The following HMCN1 variants were observed in gnomAD, a reference collection of about 807,000 sequenced individuals.
HMCN1 encodes the protein hemicentin-1.
A neutral mutation model predicts 625.9 loss-of-function variants in HMCN1; 321 were observed. The observed-to-expected ratio is 0.51, with a 90% CI of 0.47 to 0.56. The LOEUF (loss-of-function observed/expected upper bound fraction) is 0.56. Among genes scored for constraint, HMCN1 ranks in the 20% least tolerant of loss-of-function variants. HMCN1 has a pLI of 0.00. For synonymous variants in HMCN1, 2,425 were observed against 2,417.6 expected, an observed-to-expected ratio of 1.00 and a Z score of -0.09; for missense variants, 6,588 against 6,887.3, an observed-to-expected ratio of 0.96 and a Z score of 1.54.
intron 55 of HMCN1, among the ~76,000 whole-genome samples, chr1:186,080,259 G>C (rs61831266): frequency 6.6e-6 from 1 of 152,040 alleles, no homozygotes; most frequent in Non-Finnish European, 1.5e-5. Flanking sequence ...CAGTTTAGTT[G>C]TTGGAAACCC....
intron 58 of HMCN1, among the ~76,000 whole-genome samples, chr1:186,086,739 G>GT (rs1189982608): frequency 6.6e-6 from 1 of 151,840 alleles, no homozygotes; most frequent in Non-Finnish European, 1.5e-5. Context: ...CTAAAGTTCC[G>GT]TAAGGATAGA....
intron 1 of HMCN1, among the ~76,000 whole-genome samples, chr1:185,829,580 A>G (rs1660731526): frequency 6.6e-6 from 1 of 152,164 alleles, no homozygotes; most frequent in South Asian, 2.1e-4. Flanking sequence ...CCTGCAAAGG[A>G]CATGATCTCA....
At chr1:186,137,452 G>T in intron 87 of HMCN1, 46 bp from the exon 88 acceptor site, 1 of 1,593,406 alleles carries the variant, frequency 6.3e-7, no homozygotes, top group Non-Finnish European at 8.6e-7. Flanking sequence ...CCTTTACAAT[G>T]TTTTATTTGC....
intron 1 of HMCN1, among the ~76,000 whole-genome samples, chr1:185,762,069 A>C (rs1244669965): frequency 6.6e-6 from 1 of 152,168 alleles, no homozygotes; most frequent in Non-Finnish European, 1.5e-5. Context: ...CGTGTAGGAT[A>C]CTTTGTGCAA....
chr1:186,109,229 A>G (rs1660764882), intron 71 of HMCN1, among the ~76,000 whole-genome samples: 1 of 152,078 alleles, frequency 6.6e-6, no homozygotes, highest in Admixed American at 6.5e-5. Flanking sequence ...TCATCCTCTT[A>G]TTGTAACCTA....
chr1:185,888,806 C>T (rs1168663080), intron 4 of HMCN1, among the ~76,000 whole-genome samples: 1 of 144,364 alleles, frequency 6.9e-6, no homozygotes, highest in Non-Finnish European at 1.5e-5. Context: ...TTTTTTGGTT[C>T]CATATGAACT....
chr1:185,781,004 T>G (rs568561155), intron 1 of HMCN1, among the ~76,000 whole-genome samples: 46 of 152,330 alleles, frequency 3.0e-4, no homozygotes, highest in Non-Finnish European at 5.7e-4. Flanking sequence ...GATAGGCTAT[T>G]AATTATTGCC....
chr1:185,890,029 T>A (rs1326884129), intron 4 of HMCN1, among the ~76,000 whole-genome samples: 1 of 151,512 alleles, frequency 6.6e-6, no homozygotes. Flanking sequence ...TCTTCCTGGT[T>A]TAGTCTTGGG....
At chr1:186,081,121 CAA>C in intron 55 of HMCN1, 84 bp from the exon 56 acceptor site, 1 of 1,160,912 alleles carries the variant, frequency 8.6e-7, no homozygotes, top group Non-Finnish European at 1.3e-6. Flanking sequence ...ATTATTATCC[CAA>C]AGTTTTTAAA....
chr1:186,178,840 A>G, intron 104 of HMCN1, 74 bp downstream of exon 104: 1 of 1,021,910 alleles, frequency 9.8e-7, no homozygotes, highest in Non-Finnish European at 1.6e-6. Context: ...AGCACCTGTG[A>G]TTGTTTGAGT....
intron 35 of HMCN1, among the ~76,000 whole-genome samples, chr1:186,020,929 A>G (rs190529005): frequency 6.6e-6 from 1 of 152,182 alleles, no homozygotes; most frequent in East Asian, 1.9e-4. Flanking sequence ...TTTTTACTTT[A>G]AGGTAATGAG....
At chr1:185,795,847 CA>C (rs2102211844) in intron 1 of HMCN1, among the ~76,000 whole-genome samples, 1 of 152,314 alleles carries the variant, frequency 6.6e-6, no homozygotes, top group African/African-American at 2.4e-5. Flanking sequence ...TCTTATGTCA[CA>C]AGGTCTAGCA....
At position 186,007,278 on chromosome 1, in the gene HMCN1, C is replaced by T. The variant is rs539127044; in HGVS notation, c.4626C>T (p.Ile1542=). 3.1e-6 allele frequency: 5 copies of T among 1,613,086 alleles called. No individual in the cohort carries two copies. The African/African-American group carries it at 4.0e-5, about 13-fold the overall frequency. Residue 1542 remains isoleucine, a synonymous_variant, in exon 30 of 107, where the codon ATC becomes ATT. Coordinates refer to ENST00000271588, the MANE Select transcript of HMCN1 (RefSeq NM_031935.3). The part of the protein sequence containing the change: ...GKQAKDIKLT[I]YIPPSIKGGN... ...AAGCCAAGGATATAAAACTGACTAT[C>T]TATAGTAAGTGCGATTGTCTTATGC...
At chr1:185,742,047 G>C (rs538264902) in intron 1 of HMCN1, among the ~76,000 whole-genome samples, 18 of 152,222 alleles carry the variant, frequency 1.2e-4, no homozygotes, top group Non-Finnish European at 2.2e-4. Flanking sequence ...TTTGATAAAC[G>C]ATTCAACAAG....
At position 186,055,499 on chromosome 1, in the gene HMCN1, A is replaced by G. The variant is rs756832292; in HGVS notation, c.6969A>G (p.Thr2323=). ...AGGTGCAGGGTATTCCACCACCAAC[A>G]GTGACCTGGATGAAAGATGGCCACC... ...ECEVQGIPPP[T]VTWMKDGHPL... Residue 2323 remains threonine (T), a synonymous_variant, in exon 45 of 107, where the codon ACA becomes ACG. Coordinates refer to ENST00000271588, the MANE Select transcript of HMCN1 (RefSeq NM_031935.3). The G allele has an allele frequency of 1.1e-5, 18 of 1,612,906 alleles. No individual in the cohort carries two copies. The highest frequency in any genetic ancestry group is 1.6e-4 in the Middle Eastern group (1 of 6,074).
intron 1 of HMCN1, among the ~76,000 whole-genome samples, chr1:185,805,745 C>G (rs868177770): frequency 6.6e-6 from 1 of 152,162 alleles, no homozygotes; most frequent in East Asian, 1.9e-4. Context: ...ATGTCTAACC[C>G]TGACCCATGC....
intron 104 of HMCN1, among the ~76,000 whole-genome samples, chr1:186,180,837 T>C (rs1652887677): frequency 6.6e-6 from 1 of 152,056 alleles, no homozygotes; most frequent in Non-Finnish European, 1.5e-5. Context: ...TTGGGACTAA[T>C]GAAGAAATAT....
At chr1:185,768,146 C>T (rs542714597) in intron 1 of HMCN1, among the ~76,000 whole-genome samples, 28 of 152,112 alleles carry the variant, frequency 1.8e-4, no homozygotes, top group Admixed American at 1.3e-4. Context: ...TACTAAACAC[C>T]TATCATGTCA....
At chr1:186,047,066 C>A in intron 41 of HMCN1, among the ~76,000 whole-genome samples, 1 of 152,122 alleles carries the variant, frequency 6.6e-6, no homozygotes, top group East Asian at 1.9e-4. Flanking sequence ...AAATAGATGA[C>A]GGGCAGTAAG....
Sources: allele counts gnomAD v4.1 joint callset (sites outside exome capture counted in the v4.1 genomes callset), GRCh38; gene constraint gnomAD v4.1.1; transcripts MANE v1.5; gene names NCBI Gene and HGNC (gene_info 2026-07-23, HGNC 2026-07-21).